Variants in ARL15 observed in about 807,000 individuals in gnomAD.
ARL15 encodes ADP-ribosylation factor-like protein 15.
Under a neutral mutation model 25.2 loss-of-function variants are expected in ARL15, and 19 were observed. The observed-to-expected ratio is 0.75, with a 90% CI of 0.53 to 1.10. The LOEUF (loss-of-function observed/expected upper bound fraction) is 1.10. Ranked by LOEUF, ARL15 falls within the 50% of genes least tolerant of loss-of-function variation. ARL15 has a pLI of 0.00. For missense variants in ARL15, 220 were observed against 246.0 expected (o/e 0.89, Z 0.71); for synonymous variants, 94 against 86.8 (o/e 1.08, Z -0.46).
intron 1 of ARL15, among the ~76,000 whole-genome samples, chr5:54,233,165 A>G (rs1448445198): frequency 6.6e-6 from 1 of 152,236 alleles, no homozygotes; most frequent in African/African-American, 2.4e-5. Flanking sequence ...TTGACACGTT[A>G]CTATTCTGTG....
intron 1 of ARL15, among the ~76,000 whole-genome samples, chr5:54,299,261 A>G (rs1365192062): frequency 6.6e-6 from 1 of 152,152 alleles, no homozygotes; most frequent in African/African-American, 2.4e-5. Flanking sequence ...CATGTATACT[A>G]CACGCCAGCA....
At chr5:54,288,141 G>C (rs1171541784) in intron 1 of ARL15, among the ~76,000 whole-genome samples, 1 of 152,206 alleles carries the variant, frequency 6.6e-6, no homozygotes, top group African/African-American at 2.4e-5. Flanking sequence ...CCCAGGAGAA[G>C]TAGACCCAGA....
chr5:53,966,570 C>A (rs894249163), intron 4 of ARL15, among the ~76,000 whole-genome samples: 1 of 152,072 alleles, frequency 6.6e-6, no homozygotes, highest in Admixed American at 6.6e-5. Flanking sequence ...GGGACTGAAC[C>A]CCAGCATGTG....
chr5:53,915,034 C>T (rs1166834503), intron 4 of ARL15, among the ~76,000 whole-genome samples: 1 of 152,200 alleles, frequency 6.6e-6, no homozygotes, highest in East Asian at 1.9e-4. Flanking sequence ...TAGTCTCAAA[C>T]TCCTGACCTC....
At chr5:54,177,147 G>A (rs1452455583) in intron 1 of ARL15, among the ~76,000 whole-genome samples, 1 of 152,096 alleles carries the variant, frequency 6.6e-6, no homozygotes, top group African/African-American at 2.4e-5. Context: ...GTTATGACTT[G>A]GTCTTTTTTA....
At chr5:54,107,146 A>G (rs1752612801) in intron 4 of ARL15, among the ~76,000 whole-genome samples, 1 of 152,026 alleles carries the variant, frequency 6.6e-6, no homozygotes, top group Non-Finnish European at 1.5e-5. Flanking sequence ...CTAAAGCGGA[A>G]CCCCGTGATA....
chr5:54,060,334 C>T (rs1751025283), intron 4 of ARL15, among the ~76,000 whole-genome samples: 1 of 152,110 alleles, frequency 6.6e-6, no homozygotes, highest in South Asian at 2.1e-4. Context: ...GAGGCTGAGG[C>T]AGGAGAATTG....
intron 1 of ARL15, among the ~76,000 whole-genome samples, chr5:54,274,879 G>A (rs565181748): frequency 1.8e-4 from 28 of 152,258 alleles, no homozygotes; most frequent in Middle Eastern, 3.4e-3. Context: ...GGATGACAGA[G>A]CAAGATTCTG....
intron 1 of ARL15, among the ~76,000 whole-genome samples, chr5:54,238,205 C>T (rs911892252): frequency 6.6e-6 from 1 of 152,108 alleles, no homozygotes; most frequent in Non-Finnish European, 1.5e-5. Context: ...AACCCAGTCA[C>T]TTAATTTTTC....
chr5:53,956,451 C>T (rs1301065159), intron 4 of ARL15, among the ~76,000 whole-genome samples: 2 of 148,942 alleles, frequency 1.3e-5, no homozygotes, highest in African/African-American at 4.9e-5. Flanking sequence ...ACCATACTTC[C>T]TCTTTCTTTG....
At chr5:54,053,588 C>G (rs1750766950) in intron 4 of ARL15, among the ~76,000 whole-genome samples, 1 of 152,124 alleles carries the variant, frequency 6.6e-6, no homozygotes, top group Admixed American at 6.5e-5. Context: ...TTTATATCAA[C>G]AGTGATAAGT....
chr5:54,023,112 C>A (rs1749667417), intron 4 of ARL15, among the ~76,000 whole-genome samples: 1 of 151,814 alleles, frequency 6.6e-6, no homozygotes, highest in Non-Finnish European at 1.5e-5. Flanking sequence ...CCGAAAGAAA[C>A]TAGACTGAAA....
At chr5:54,272,344 A>G (rs1757811310) in intron 1 of ARL15, among the ~76,000 whole-genome samples, 1 of 152,088 alleles carries the variant, frequency 6.6e-6, no homozygotes, top group African/African-American at 2.4e-5. Flanking sequence ...ATTTTTAATC[A>G]TTGACAAAAC....
intron 1 of ARL15, among the ~76,000 whole-genome samples, chr5:54,299,830 A>T (rs1758570444): frequency 6.6e-6 from 1 of 151,986 alleles, no homozygotes; most frequent in Non-Finnish European, 1.5e-5. Flanking sequence ...CTCGGGATAC[A>T]TACACCTCGG....
chr5:53,925,860 C>T (rs1746001620), intron 4 of ARL15, among the ~76,000 whole-genome samples: 1 of 151,962 alleles, frequency 6.6e-6, no homozygotes, highest in East Asian at 1.9e-4. Flanking sequence ...GCAGTGAAAC[C>T]TGTTTTTCAA....
At chr5:54,215,897 C>T (rs1044588496) in intron 1 of ARL15, among the ~76,000 whole-genome samples, 1 of 152,110 alleles carries the variant, frequency 6.6e-6, no homozygotes, top group African/African-American at 2.4e-5. Context: ...CACAAATTTT[C>T]AATATTGCAT....
At chr5:54,199,182 A>C (rs1455518453) in intron 1 of ARL15, among the ~76,000 whole-genome samples, 1 of 152,244 alleles carries the variant, frequency 6.6e-6, no homozygotes, top group African/African-American at 2.4e-5. Context: ...TAGACCTAAA[A>C]CCATAAAAAC....
intron 1 of ARL15, among the ~76,000 whole-genome samples, chr5:54,287,481 G>A (rs1344150637): frequency 6.6e-6 from 1 of 150,808 alleles, no homozygotes; most frequent in Non-Finnish European, 1.5e-5. Flanking sequence ...AAGGAGCACA[G>A]AAGAAAACGG....
intron 1 of ARL15, among the ~76,000 whole-genome samples, chr5:54,205,606 T>C (rs1755846695): frequency 6.6e-6 from 1 of 152,192 alleles, no homozygotes; most frequent in East Asian, 1.9e-4. Flanking sequence ...GTTAAACTAT[T>C]ATGCTAGAAT....
Sources: allele counts gnomAD v4.1 joint callset (sites outside exome capture counted in the v4.1 genomes callset), GRCh38; gene constraint gnomAD v4.1.1; transcripts MANE v1.5; gene names NCBI Gene and HGNC (gene_info 2026-07-23, HGNC 2026-07-21).